Variants in KIF5A observed in about 807,000 individuals in gnomAD.
The protein encoded by KIF5A is kinesin heavy chain isoform 5A.
A neutral mutation model predicts 141.3 loss-of-function variants in KIF5A; 35 were observed. The ratio of observed to expected loss-of-function variants is 0.25; its 90% confidence interval spans 0.19 to 0.33. The LOEUF is 0.33. Ranked by LOEUF, KIF5A falls within the 10% of genes least tolerant of loss-of-function variation. KIF5A has a pLI of 1.00. For missense variants in KIF5A, 861 were observed against 1,314.3 expected, an observed-to-expected ratio of 0.66 and a Z score of 5.33; for synonymous variants, 448 against 500.2, an observed-to-expected ratio of 0.90 and a Z score of 1.39.
chr12:57,577,924 A>C, intron 21 of KIF5A, 85 bp from the exon 22 acceptor site: 1 of 1,274,782 alleles, frequency 7.8e-7, no homozygotes, highest in Non-Finnish European at 1.1e-6. Flanking sequence ...TCACTTGATT[A>C]TAGAGACTGG....
intron 1 of KIF5A, among the ~76,000 whole-genome samples, chr12:57,562,856 G>C (rs1427057169): frequency 6.6e-6 from 1 of 151,970 alleles, no homozygotes; most frequent in East Asian, 1.9e-4. Context: ...GTTTCCCAGG[G>C]AGGAGTTTGG....
chr12:57,564,849 C>T lies in KIF5A; in HGVS notation c.446-69C>T, dbSNP rs1882014836. 2.1e-6 allele frequency: 3 copies of T among 1,433,666 alleles called. No homozygotes were observed. The African/African-American group carries it at 4.2e-5, about 20-fold the overall frequency. 88.8% of individuals were successfully genotyped at this position (1,433,666 alleles called of 1,614,324 possible). Reference sequence around the variant, plus strand: ...ACAGAGAAGAAAACCACCATCTGAGCTGACTGCAAGGTGCAGATGGGGGCG... The same window carrying T: ...ACAGAGAAGAAAACCACCATCTGAGTTGACTGCAAGGTGCAGATGGGGGCG... On this transcript the variant is annotated intron_variant, in intron 5 of 28. Transcript: ENST00000455537.
In KIF5A at chr12:57,582,556, CT is replaced by C. The variant is rs757609186; in HGVS notation, c.2993-40del. 373 of 1,552,910 alleles carry C rather than the reference CT, an allele frequency of 2.4e-4. 1 individual carries two copies. Among genetic ancestry groups the C allele is most frequent in the Non-Finnish European group, 3.1e-4 (344 of 1,124,142 alleles). ...CAAACTGTTTCTAACACCCAATCTC[CT>C]TTTTTCTTCTTCTAATCCTGTGTTC... On this transcript the variant is annotated intron_variant, in intron 26 of 28. Coordinates refer to ENST00000455537, the MANE Select transcript of KIF5A (RefSeq NM_004984.4).
chr12:57,556,605 GC>G (rs1446285386), intron 1 of KIF5A, among the ~76,000 whole-genome samples: 2 of 151,202 alleles, frequency 1.3e-5, no homozygotes, highest in Non-Finnish European at 2.9e-5. Flanking sequence ...CGTCTGTGGA[GC>G]CTTCTAGATC....
rs1882250290 is a variant in KIF5A, at chr12:57,571,382, A to G, written c.1355A>G (p.Gln452Arg). 2.5e-6 allele frequency: 4 copies of G among 1,613,696 alleles called. No individual in the cohort carries two copies. Among genetic ancestry groups the G allele is most frequent in the South Asian group, 1.1e-5 (1 of 91,074 alleles). Reference protein sequence around the residue: ...IEKLKQQMLDQEELLVSTRGD... With the variant: ...IEKLKQQMLDREELLVSTRGD... Reference sequence around the variant, plus strand: ...AAGCTCAAGCAGCAAATGCTGGACCAGGAAGAGGTAATAGGAGGGAGGGCA... The same window carrying G: ...AAGCTCAAGCAGCAAATGCTGGACCGGGAAGAGGTAATAGGAGGGAGGGCA... The change falls in exon 13 of 29, where the codon CAG becomes CGG. Residue 452 changes from glutamine (Q) to arginine (R), a missense_variant. Coordinates refer to ENST00000455537, the MANE Select transcript of KIF5A (RefSeq NM_004984.4).
chr12:57,580,979 G>A lies in KIF5A; in HGVS notation c.2562G>A (p.Leu854=). 1 of 1,614,054 alleles carries A rather than the reference G, an allele frequency of 6.2e-7. No individual in the cohort carries two copies. Among genetic ancestry groups the A allele is most frequent in the African/African-American group, 1.3e-5 (1 of 75,010 alleles). The change falls in exon 24 of 29, where the codon CTG becomes CTA. Residue 854 remains leucine (L), a synonymous_variant. Transcript: ENST00000455537. ...AGCTGGTACGTGACAATGCAGATCT[G>A]CGTTGTGAGCTTCCTAAATTGGAAA... The part of the protein sequence containing the change: ...HKQLVRDNAD[L]RCELPKLEKR...
Position 57,572,416 on chromosome 12 carries a change from T to A in KIF5A, c.1569+149T>A. ...GTGAGTCCCTCCCCAACCCTGTCACTGCACTTTCCCCTCACAGTCCCTCTG... is the reference window on the plus strand; with the variant it reads ...GTGAGTCCCTCCCCAACCCTGTCACAGCACTTTCCCCTCACAGTCCCTCTG... On this transcript the variant is annotated intron_variant, in intron 14 of 28. Transcript: ENST00000455537. This position sits in a 1 kb window ranked among gnomAD's most constrained non-coding sequence, Gnocchi z 4.2. The A allele has an allele frequency of 8.0e-7, 1 of 1,256,168 alleles. No homozygotes were observed. Among genetic ancestry groups the A allele is most frequent in the Non-Finnish European group, 1.1e-6 (1 of 881,564 alleles). 77.8% of individuals were successfully genotyped at this position (1,256,168 alleles called of 1,614,324 possible).
intron 1 of KIF5A, among the ~76,000 whole-genome samples, chr12:57,559,759 G>A (rs753236882): frequency 6.6e-6 from 1 of 152,130 alleles, no homozygotes; most frequent in Non-Finnish European, 1.5e-5. Flanking sequence ...CTACAGATAA[G>A]TTCTGTCCAT....
intron 16 of KIF5A, 32 bp from the exon 17 acceptor site, chr12:57,575,608 T>C (rs1273200075): frequency 6.4e-7 from 1 of 1,574,124 alleles, no homozygotes; most frequent in East Asian, 2.2e-5. Flanking sequence ...CTTTGCTCCA[T>C]CTTCTTCCTC....
chr12:57,578,869 G>A (rs1594924527), intron 23 of KIF5A, among the ~76,000 whole-genome samples: 1 of 152,116 alleles, frequency 6.6e-6, no homozygotes, highest in South Asian at 2.1e-4. Flanking sequence ...TTCAAGACCA[G>A]CCTAAGCAAC....
chr12:57,582,047 C>A, intron 26 of KIF5A, 95 bp downstream of exon 26: 1 of 986,716 alleles, frequency 1.0e-6, no homozygotes, highest in Non-Finnish European at 1.6e-6. Flanking sequence ...AAAACACTGA[C>A]TGAACCTTTC....
At chr12:57,575,034 A>C (rs1882377983) in intron 15 of KIF5A, 50 bp from the exon 16 acceptor site, 1 of 1,573,694 alleles carries the variant, frequency 6.4e-7, no homozygotes, top group Admixed American at 1.7e-5. Flanking sequence ...GGGAACAGAT[A>C]AAGCTTCCCA....
At chr12:57,579,001 C>T (rs1205384436) in intron 23 of KIF5A, among the ~76,000 whole-genome samples, 3 of 152,034 alleles carry the variant, frequency 2.0e-5, no homozygotes, top group African/African-American at 7.2e-5. Flanking sequence ...GAAGTAGAGG[C>T]TGCAGTGAGC....
At chr12:57,577,581 C>T (rs1882466126) in intron 20 of KIF5A, 132 bp from the exon 21 acceptor site, 2 of 773,716 alleles carry the variant, frequency 2.6e-6, no homozygotes, top group Non-Finnish European at 4.5e-6. Context: ...GCCTAGGTAA[C>T]AGAATGAGAC....
intron 20 of KIF5A, 77 bp downstream of exon 20, chr12:57,576,939 CAGG>C (rs905278573): frequency 1.3e-4 from 133 of 1,043,874 alleles, no homozygotes; most frequent in Admixed American, 2.8e-4. Flanking sequence ...CTTGCAGAGG[CAGG>C]ACACACATGC....
intron 11 of KIF5A, 41 bp from the exon 12 acceptor site, chr12:57,569,946 T>C: frequency 6.3e-7 from 1 of 1,598,914 alleles, no homozygotes; most frequent in Non-Finnish European, 8.6e-7. Context: ...GGATGCAGCT[T>C]CTTCTTCTTC....
Position 57,581,293 on chromosome 12 carries a change from CA to C in KIF5A, c.2756-117del. 2.6e-6 allele frequency: 4 copies of C among 1,528,342 alleles called. No homozygotes were observed. In the South Asian group the frequency reaches 4.6e-5, roughly 17 times the overall value. The allele number at this position is 1,528,342 out of a possible 1,614,324, so 94.7% of individuals were successfully genotyped here. Reference sequence around the variant, plus strand: ...CCCCTAGCCTCATCCCACTTCCCCCCAAAAAGTAAAAAAGTGATTATGTTAC... The same window carrying C: ...CCCCTAGCCTCATCCCACTTCCCCCCAAAAGTAAAAAAGTGATTATGTTAC... On this transcript the variant is annotated intron_variant, in intron 24 of 28. Coordinates refer to ENST00000455537, the MANE Select transcript of KIF5A (RefSeq NM_004984.4).
intron 15 of KIF5A, among the ~76,000 whole-genome samples, chr12:57,573,727 G>A (rs1280673072): frequency 6.6e-6 from 1 of 151,674 alleles, no homozygotes; most frequent in Non-Finnish European, 1.5e-5. Flanking sequence ...TACTCACGTG[G>A]CTGAGGCAGG....
At chr12:57,559,627 A>G (rs534395914) in intron 1 of KIF5A, among the ~76,000 whole-genome samples, 1 of 152,298 alleles carries the variant, frequency 6.6e-6, no homozygotes, top group East Asian at 1.9e-4. Context: ...TGTAACCACT[A>G]CACAGATCAA....
Sources: allele counts gnomAD v4.1 joint callset (sites outside exome capture counted in the v4.1 genomes callset), GRCh38; gene constraint gnomAD v4.1.1; non-coding constraint Gnocchi (gnomAD v3.1); transcripts MANE v1.5; gene names NCBI Gene and HGNC (gene_info 2026-07-23, HGNC 2026-07-21).